The following NR3C2 variants were observed in gnomAD, a reference collection of about 807,000 sequenced individuals.
NR3C2 encodes nuclear receptor subfamily 3 group C member 2, also known as mineralocorticoid receptor.
A neutral mutation model predicts 86.4 loss-of-function variants in NR3C2; 15 were observed. The observed-to-expected ratio is 0.17, with a 90% CI of 0.12 to 0.27. The LOEUF is 0.27. Ranked by LOEUF, NR3C2 falls within the 10% of genes least tolerant of loss-of-function variation. The pLI, the probability that NR3C2 is intolerant of heterozygous loss-of-function variation, is 1.00. For synonymous variants in NR3C2, 458 were observed against 450.5 expected, an observed-to-expected ratio of 1.02 and a Z score of -0.21; for missense variants, 960 against 1,195.6, an observed-to-expected ratio of 0.80 and a Z score of 2.91.
At chr4:148,296,934 A>G (rs1050987987) in intron 2 of NR3C2, among the ~76,000 whole-genome samples, 1 of 152,194 alleles carries the variant, frequency 6.6e-6, no homozygotes, top group African/African-American at 2.4e-5. Context: ...GATAACACCT[A>G]AATATATTTA....
chr4:148,216,230 C>G (rs994721193), intron 3 of NR3C2, among the ~76,000 whole-genome samples: 10 of 152,046 alleles, frequency 6.6e-5, no homozygotes, highest in Non-Finnish European at 1.3e-4. Context: ...TCCCCACCAC[C>G]CCCCCAACCA....
chr4:148,388,722 C>T lies in NR3C2; in HGVS notation c.1757+46382G>A, dbSNP rs539341099. Among the ~76,000 whole-genome samples, 12 of 152,150 alleles carry T rather than the reference C, an allele frequency of 7.9e-5. No homozygotes were observed. The South Asian group carries it at 2.5e-3, about 32-fold the overall frequency. ...GTTTATCACTTAGTCACTGGAATGC[C>T]CAAATACTAATAAAAGGGTAATAAG... On this transcript the variant is annotated intron_variant, in intron 2 of 8. Transcript: ENST00000358102.
chr4:148,301,978 C>T (rs116826951), intron 2 of NR3C2, among the ~76,000 whole-genome samples: 1 of 152,278 alleles, frequency 6.6e-6, no homozygotes, highest in Non-Finnish European at 1.5e-5. Flanking sequence ...TGAGTATATG[C>T]TATCAATCAC....
chr4:148,398,668 T>G (rs1429073900), intron 2 of NR3C2, among the ~76,000 whole-genome samples: 1 of 152,168 alleles, frequency 6.6e-6, no homozygotes, highest in Non-Finnish European at 1.5e-5. Flanking sequence ...CCTGATTAAT[T>G]TATTCAAAGA....
At chr4:148,391,866 C>A (rs1201027014) in intron 2 of NR3C2, among the ~76,000 whole-genome samples, 1,826 of 110,458 alleles carry the variant, frequency 0.017, no homozygotes, top group African/African-American at 0.019. Flanking sequence ...GACTCCATTG[C>A]AAAAAAAAAA....
rs571407944 is a variant in NR3C2 at position 148,358,235 on chromosome 4, T to C, written c.1757+76869A>G. On this transcript the variant is annotated intron_variant, in intron 2 of 8. Coordinates refer to ENST00000358102, the MANE Select transcript of NR3C2 (RefSeq NM_000901.5). Reference sequence around the variant, plus strand: ...TGGAACCAACCCAAATGTCCAACAATGATCGACTGGATTAAGAAAATGTGG... The same window carrying C: ...TGGAACCAACCCAAATGTCCAACAACGATCGACTGGATTAAGAAAATGTGG... 3.6e-4 allele frequency among the ~76,000 whole-genome samples: 55 copies of C among 152,174 alleles called. No homozygotes were observed. In the South Asian group the frequency reaches 0.011, roughly 30 times the overall value.
At chr4:148,246,379 C>T (rs563268923) in intron 3 of NR3C2, among the ~76,000 whole-genome samples, 1 of 152,196 alleles carries the variant, frequency 6.6e-6, no homozygotes, top group East Asian at 1.9e-4. Flanking sequence ...AAACAAATTT[C>T]AGTAACTGTA....
intron 3 of NR3C2, among the ~76,000 whole-genome samples, chr4:148,206,221 T>G (rs1737000497): frequency 6.6e-6 from 1 of 152,188 alleles, no homozygotes; most frequent in Admixed American, 6.5e-5. Flanking sequence ...TCTCTGTTAC[T>G]CTCTGGCTCC....
At chr4:148,108,985 A>G (rs1039211493) in intron 8 of NR3C2, among the ~76,000 whole-genome samples, 6 of 152,182 alleles carry the variant, frequency 3.9e-5, no homozygotes, top group African/African-American at 1.4e-4. Context: ...TCTGAAATGC[A>G]GCCCAGCCTA....
At chr4:148,373,470 C>CT (rs774726733) in intron 2 of NR3C2, among the ~76,000 whole-genome samples, 3,183 of 129,738 alleles carry the variant, frequency 0.025, 118 homozygotes, top group Non-Finnish European at 0.035. Flanking sequence ...TAAAGGATGA[C>CT]TTTTTTTTTC....
At chr4:148,249,521 C>T (rs997357895) in intron 3 of NR3C2, among the ~76,000 whole-genome samples, 1 of 152,112 alleles carries the variant, frequency 6.6e-6, no homozygotes, top group East Asian at 1.9e-4. Flanking sequence ...TCATCTTTTG[C>T]TTTATTTCAT....
chr4:148,173,815 G>GTTACTCAA (rs1398905322), intron 4 of NR3C2, among the ~76,000 whole-genome samples: 2 of 152,204 alleles, frequency 1.3e-5, no homozygotes, highest in African/African-American at 2.4e-5. Context: ...CAGCAGTGCT[G>GTTACTCAA]ACACAGCAGA....
chr4:148,156,022 T>C (rs1734368939), intron 4 of NR3C2, among the ~76,000 whole-genome samples: 1 of 152,162 alleles, frequency 6.6e-6, no homozygotes, highest in African/African-American at 2.4e-5. Context: ...AAGGATTCCC[T>C]ATTTAATAAC....
At chr4:148,400,136 T>C (rs764766672) in intron 2 of NR3C2, among the ~76,000 whole-genome samples, 28 of 152,370 alleles carry the variant, frequency 1.8e-4, no homozygotes, top group Non-Finnish European at 3.5e-4. Context: ...GAATTCTTTG[T>C]AGCCCAATAG....
chr4:148,103,362 C>G (rs913136280), intron 8 of NR3C2, among the ~76,000 whole-genome samples: 5 of 152,192 alleles, frequency 3.3e-5, no homozygotes, highest in Non-Finnish European at 1.5e-5. Flanking sequence ...GTTGTTGTAT[C>G]CATAGTGCCT....
At chr4:148,094,417 G>T (rs879127360) in intron 8 of NR3C2, among the ~76,000 whole-genome samples, 1 of 152,130 alleles carries the variant, frequency 6.6e-6, no homozygotes, top group Admixed American at 6.5e-5. Context: ...ATAGATATTT[G>T]TACATAAGTG....
chr4:148,382,184 A>G (rs1747030652), intron 2 of NR3C2, among the ~76,000 whole-genome samples: 1 of 152,214 alleles, frequency 6.6e-6, no homozygotes, highest in African/African-American at 2.4e-5. Flanking sequence ...CAAGTCAAAG[A>G]GAACAATCTC....
rs1411287213 is a variant in NR3C2, at chr4:148,439,574, C to T, written c.-3+2586G>A. Among the ~76,000 whole-genome samples, 3 of 152,062 alleles carry T rather than the reference C, an allele frequency of 2.0e-5. No individual in the cohort carries two copies. In the East Asian group the frequency reaches 5.8e-4, roughly 29 times the overall value. ...TCTCTGTCCCGTGTCTGAAGGGGAC[C>T]CCCACCCAGACCCCTCTCCAAAACC... On this transcript the variant is annotated intron_variant, in intron 1 of 8. Transcript: ENST00000358102.
chr4:148,247,521 C>T (rs1347283491), intron 3 of NR3C2, among the ~76,000 whole-genome samples: 1 of 151,518 alleles, frequency 6.6e-6, no homozygotes, highest in Non-Finnish European at 1.5e-5. Context: ...TTCCTAAGGC[C>T]CAATATGATG....
Sources: allele counts gnomAD v4.1 joint callset (sites outside exome capture counted in the v4.1 genomes callset), GRCh38; gene constraint gnomAD v4.1.1; transcripts MANE v1.5; gene names NCBI Gene and HGNC (gene_info 2026-07-23, HGNC 2026-07-21).